CCDC57: variants seen among roughly 807,000 people sequenced by gnomAD.
CCDC57 encodes the protein coiled-coil domain containing 57, also known as coiled-coil domain-containing protein 57.
In CCDC57, 118 loss-of-function variants were observed where a neutral mutation model predicts 118.9. The observed-to-expected ratio is 0.99, with a 90% CI of 0.86 to 1.16. CCDC57 has a LOEUF of 1.16. CCDC57 is among the 50% of genes most tolerant of loss of function. The probability of loss-of-function intolerance (pLI) is 0.00; values close to 1 mark genes in which losing one functional copy is unlikely to be tolerated. For synonymous variants in CCDC57, 527 were observed against 532.9 expected, an observed-to-expected ratio of 0.99 and a Z score of 0.15; for missense variants, 1,300 against 1,320.7, an observed-to-expected ratio of 0.98 and a Z score of 0.24.
chr17:82,136,595 A>G (rs1485288200), intron 16 of CCDC57, among the ~76,000 whole-genome samples: 5 of 131,798 alleles, frequency 3.8e-5, no homozygotes, highest in Non-Finnish European at 1.6e-5. Context: ...AAAAAAAAAA[A>G]AAAAGAAAAC....
intron 2 of CCDC57, among the ~76,000 whole-genome samples, chr17:82,207,081 C>T (rs1464014534): frequency 6.6e-6 from 1 of 152,164 alleles, no homozygotes; most frequent in East Asian, 1.9e-4. Flanking sequence ...CAGTGACTGG[C>T]CCCGGTTGTC....
Position 82,201,489 on chromosome 17 carries a change from G to C in CCDC57, c.407+49C>G, listed in dbSNP as rs769599242. On this transcript the variant is annotated intron_variant, in intron 3 of 19. Transcript: ENST00000665763. Reference sequence around the variant, plus strand: ...GCACAGCGGAGCAGGAGGCATGTGGGGGCCTCTGCCAGGCACTGCACAGGA... The same window carrying C: ...GCACAGCGGAGCAGGAGGCATGTGGCGGCCTCTGCCAGGCACTGCACAGGA... The C allele has an allele frequency of 1.9e-5, 29 of 1,498,256 alleles. No homozygotes were observed. The African/African-American group carries it at 3.7e-4, about 19-fold the overall frequency. 92.8% of individuals were successfully genotyped at this position (1,498,256 alleles called of 1,614,324 possible). A position where few individuals can be genotyped will look rare whatever the true frequency, so the allele number is the denominator to read the frequency against.
chr17:82,192,967 A>C lies in CCDC57; in HGVS notation c.851+789T>G, dbSNP rs546995914. 6.6e-6 allele frequency among the ~76,000 whole-genome samples: 1 copy of C among 152,206 alleles called. No individual in the cohort carries two copies. Among genetic ancestry groups the C allele is most frequent in the East Asian group, 1.9e-4 (1 of 5,180 alleles). ...TGGTCAGGGTGGTCTCGAATTCCTG[A>C]CCTCAAGTGATCCACCCACCTCGGC... On this transcript the variant is annotated intron_variant, in intron 7 of 19. Transcript: ENST00000665763. This position sits in a 1 kb window ranked among gnomAD's most constrained non-coding sequence, Gnocchi z 4.0.
chr17:82,123,065 C>G (rs2036929056), intron 19 of CCDC57, among the ~76,000 whole-genome samples: 1 of 151,650 alleles, frequency 6.6e-6, no homozygotes, highest in African/African-American at 2.4e-5. Flanking sequence ...CCTGACCTAA[C>G]TGGACCTACC....
chr17:82,141,752 T>C (rs548269244), intron 16 of CCDC57, among the ~76,000 whole-genome samples: 1 of 152,194 alleles, frequency 6.6e-6, no homozygotes, highest in South Asian at 2.1e-4. Flanking sequence ...ACATCCGACA[T>C]CCGCACATTA....
At chr17:82,123,893 C>T (rs758840434) in intron 19 of CCDC57, among the ~76,000 whole-genome samples, 2 of 142,586 alleles carry the variant, frequency 1.4e-5, no homozygotes, top group Non-Finnish European at 3.0e-5. Flanking sequence ...TCTTTGGCTG[C>T]ATTGGTCAGA....
intron 16 of CCDC57, among the ~76,000 whole-genome samples, chr17:82,146,554 A>G (rs182081788): frequency 5.6e-4 from 86 of 152,220 alleles, no homozygotes; most frequent in African/African-American, 1.8e-3. Flanking sequence ...TAAGAACTCA[A>G]TGTTTAGGTG....
intron 15 of CCDC57, chr17:82,152,051 C>T (rs2042128046): frequency 1.3e-5 from 6 of 472,288 alleles, no homozygotes; most frequent in South Asian, 2.4e-5. Flanking sequence ...GCCTCCTCCC[C>T]GCCATCCCTG....
At chr17:82,184,245 T>C (rs2046661663) in intron 8 of CCDC57, among the ~76,000 whole-genome samples, 1 of 151,962 alleles carries the variant, frequency 6.6e-6, no homozygotes, top group South Asian at 2.1e-4. Context: ...AGGTTCTTGG[T>C]GGGCGGAAGG....
chr17:82,163,448 C>G, intron 13 of CCDC57, 91 bp from the exon 13 acceptor site: 2 of 1,483,772 alleles, frequency 1.3e-6, no homozygotes. Context: ...CTCTCCCTTT[C>G]CCGTGAGGCC....
chr17:82,137,931 C>T (rs992946489), intron 16 of CCDC57, among the ~76,000 whole-genome samples: 46 of 151,976 alleles, frequency 3.0e-4, no homozygotes, highest in Admixed American at 2.2e-3. Flanking sequence ...CTCGGCCTCC[C>T]AAAGTGCTGG....
At chr17:82,109,836 G>T (rs1255000659) in intron 19 of CCDC57, among the ~76,000 whole-genome samples, 1 of 151,406 alleles carries the variant, frequency 6.6e-6, no homozygotes, top group Non-Finnish European at 1.5e-5. Context: ...CAGCCTGGGC[G>T]ACAGAGTGAG....
At chr17:82,176,687 T>C (rs899401973) in intron 11 of CCDC57, among the ~76,000 whole-genome samples, 1 of 152,180 alleles carries the variant, frequency 6.6e-6, no homozygotes, top group African/African-American at 2.4e-5. Flanking sequence ...GTAGCCCCCA[T>C]GACCTGGTGT....
intron 2 of CCDC57, among the ~76,000 whole-genome samples, chr17:82,206,062 A>G (rs1003282261): frequency 4.8e-5 from 3 of 62,648 alleles, no homozygotes; most frequent in African/African-American, 3.1e-4. Flanking sequence ...CCTGGTTTCA[A>G]GAAGGACCAT....
In CCDC57 at chr17:82,194,159, G is replaced by A. The variant is rs2048016062; in HGVS notation, c.619-20C>T. Reference sequence around the variant, plus strand: ...TTTAACCTTTGAATGATAAAAATGAGTTCAAAATGAGGTGATAATTAGAAG... The same window carrying A: ...TTTAACCTTTGAATGATAAAAATGAATTCAAAATGAGGTGATAATTAGAAG... On this transcript the variant is annotated intron_variant, in intron 5 of 19. Coordinates refer to ENST00000665763, the Ensembl canonical transcript of CCDC57. The A allele has an allele frequency of 6.2e-7, 1 of 1,600,804 alleles. No homozygotes were observed. The highest frequency in any genetic ancestry group is 8.5e-7 in the Non-Finnish European group (1 of 1,169,702).
At chr17:82,157,574 G>A (rs1424979749) in intron 15 of CCDC57, 174 bp downstream of exon 14, 30 of 1,434,896 alleles carry the variant, frequency 2.1e-5, no homozygotes, top group Non-Finnish European at 2.7e-5. Flanking sequence ...AGAAGGCGGA[G>A]GAATGGGGAG....
chr17:82,106,069 G>A (rs532084637), intron 19 of CCDC57, among the ~76,000 whole-genome samples: 3 of 152,358 alleles, frequency 2.0e-5, no homozygotes, highest in East Asian at 1.9e-4. Flanking sequence ...CTCCCCCAAC[G>A]GCACTGGCAG....
At chr17:82,143,878 T>C (rs1437798770) in intron 16 of CCDC57, among the ~76,000 whole-genome samples, 1 of 150,280 alleles carries the variant, frequency 6.7e-6, no homozygotes, top group Non-Finnish European at 1.5e-5. Context: ...GCGGGTGGAT[T>C]GCTTGAGCTC....
chr17:82,127,793 C>T (rs1322048081), exon 19 of CCDC57: 1 of 1,613,018 alleles, frequency 6.2e-7, no homozygotes, highest in Admixed American at 1.7e-5. Flanking sequence ...GGAGGAGGAG[C>T]TGTGGGATTG....
Sources: gnomAD v4.1 joint callset for allele counts (sites outside exome capture counted in the v4.1 genomes callset) on GRCh38, gnomAD v4.1.1 for gene constraint, Gnocchi (gnomAD v3.1) non-coding constraint, MANE v1.5 for transcripts, NCBI Gene and HGNC (gene_info 2026-07-23, HGNC 2026-07-21) for gene names.